The following AGBL3 variants were observed in gnomAD, a reference collection of about 807,000 sequenced individuals.
The protein encoded by AGBL3 is AGBL carboxypeptidase 3, also known as cytosolic carboxypeptidase 3.
AGBL3 carries 68 observed loss-of-function variants against 94.5 expected under a neutral mutation model. The observed-to-expected ratio is 0.72, with a 90% CI of 0.59 to 0.88. The LOEUF is 0.88. Among genes scored for constraint, AGBL3 ranks in the 40% least tolerant of loss-of-function variants. The pLI, the probability that AGBL3 is intolerant of heterozygous loss-of-function variation, is 0.00. For missense variants in AGBL3, 934 were observed against 1,103.8 expected, an observed-to-expected ratio of 0.85 and a Z score of 2.18; for synonymous variants, 354 against 370.7, an observed-to-expected ratio of 0.95 and a Z score of 0.52.
intron 11 of AGBL3, among the ~76,000 whole-genome samples, chr7:135,046,565 C>T (rs1304432976): frequency 6.6e-6 from 1 of 152,108 alleles, no homozygotes; most frequent in Non-Finnish European, 1.5e-5. Flanking sequence ...TAGGTAGAAT[C>T]ACACAGTATG....
rs1283985989 is a variant in AGBL3, at chr7:134,987,926, T to C, written c.-8T>C. The stretch of plus-strand genomic sequence containing the variant: ...TTACAAGAAATCTCAAGTCAAACAC[T>C]GGAAAAGATGTCAGAAGATTCAGAA... On this transcript the variant is annotated 5_prime_UTR_variant, in exon 2 of 17. Coordinates refer to ENST00000436302, the MANE Select transcript of AGBL3 (RefSeq NM_178563.4). The C allele has an allele frequency of 1.3e-6, 2 of 1,546,146 alleles. No homozygotes were observed. Among genetic ancestry groups the C allele is most frequent in the Non-Finnish European group, 1.7e-6 (2 of 1,144,552 alleles).
In AGBL3 at chr7:135,079,954, T is replaced by G. The variant is rs1820783570; in HGVS notation, c.1981-249T>G. On this transcript the variant is annotated intron_variant, in intron 13 of 16. Transcript: ENST00000436302. ...TACATTCTATGTGATGTGGAAAATTTTTAAGCCCCCTTTACTGCCAAAATA... is the reference window on the plus strand; with the variant it reads ...TACATTCTATGTGATGTGGAAAATTGTTAAGCCCCCTTTACTGCCAAAATA... Among the ~76,000 whole-genome samples, 5 of 152,282 alleles carry G rather than the reference T, an allele frequency of 3.3e-5. No individual in the cohort carries two copies. The South Asian group carries it at 1.0e-3, about 32-fold the overall frequency.
At chr7:135,061,569 A>C (rs1818843046) in intron 12 of AGBL3, among the ~76,000 whole-genome samples, 1 of 152,060 alleles carries the variant, frequency 6.6e-6, no homozygotes, top group Admixed American at 6.6e-5. Flanking sequence ...TTTTGTACAT[A>C]GTGTGAGATG....
chr7:134,991,272 A>G (rs1021474920), intron 3 of AGBL3, among the ~76,000 whole-genome samples: 4 of 151,708 alleles, frequency 2.6e-5, no homozygotes, highest in Non-Finnish European at 5.9e-5. Context: ...TGCATAGCTC[A>G]GGGATTAGGA....
intron 12 of AGBL3, among the ~76,000 whole-genome samples, chr7:135,064,054 T>G (rs750149678): frequency 6.6e-6 from 1 of 152,202 alleles, no homozygotes; most frequent in South Asian, 2.1e-4. Context: ...AGACAAACCA[T>G]GCAAATCTAT....
chr7:134,986,711 A>T lies in AGBL3; in HGVS notation c.-60+10A>T, dbSNP rs1043621603. On this transcript the variant is annotated intron_variant, in intron 1 of 16. Coordinates refer to ENST00000436302, the MANE Select transcript of AGBL3 (RefSeq NM_178563.4). ...CCGACAGGACGGTGAGGTATGCAGA[A>T]GTAAGGCGGGGCGCCCCCTGCGGGA... 1 of 152,444 alleles carries T rather than the reference A, an allele frequency of 6.6e-6. No individual in the cohort carries two copies. The highest frequency in any genetic ancestry group is 2.4e-5 in the African/African-American group (1 of 41,482). The allele number at this position is 152,444 out of a possible 1,614,324, so 9.4% of individuals were successfully genotyped here.
chr7:135,109,928 A>C (rs1008702178), intron 15 of AGBL3, among the ~76,000 whole-genome samples: 4 of 152,210 alleles, frequency 2.6e-5, no homozygotes, highest in African/African-American at 7.2e-5. Flanking sequence ...TGCCAGCTGG[A>C]AAACACCAGT....
intron 12 of AGBL3, among the ~76,000 whole-genome samples, chr7:135,060,035 C>T (rs998892244): frequency 1.3e-5 from 2 of 152,150 alleles, no homozygotes; most frequent in African/African-American, 4.8e-5. Context: ...TTCTCATTTG[C>T]TTGGGCTAGA....
intron 4 of AGBL3, among the ~76,000 whole-genome samples, chr7:135,012,985 A>C (rs1813345319): frequency 6.6e-6 from 1 of 152,166 alleles, no homozygotes; most frequent in African/African-American, 2.4e-5. Flanking sequence ...GAGACAGTTA[A>C]AAATGAAAAG....
In AGBL3 at chr7:135,026,244, A is replaced by ATTATTTTATTTTATTTTTTTATTTATT. The variant is rs147501962; in HGVS notation, c.419-6583_419-6582insTTTATTTATTTTATTTTATTTTATTTT. ...TGCAATAAAAATAGAAATGAATACC[A>ATTATTTTATTTTATTTTTTTATTTATT]TTATTTTATTTTATTTTATTTTATT... is the stretch of plus-strand genomic sequence containing the variant. On this transcript the variant is annotated intron_variant, in intron 5 of 16. Transcript: ENST00000436302. 7.1e-3 allele frequency among the ~76,000 whole-genome samples: 582 copies of ATTATTTTATTTTATTTTTTTATTTATT among 81,472 alleles called. 19 individuals are homozygous for ATTATTTTATTTTATTTTTTTATTTATT. The highest frequency in any genetic ancestry group is 0.021 in the African/African-American group (551 of 25,746). 53.4% of individuals were successfully genotyped at this position (81,472 alleles called of 152,430 possible).
intron 15 of AGBL3, among the ~76,000 whole-genome samples, chr7:135,095,612 A>G (rs758506260): frequency 3.9e-5 from 6 of 152,208 alleles, no homozygotes; most frequent in Non-Finnish European, 7.3e-5. Flanking sequence ...TACAAAAGCC[A>G]TATGTTATCT....
intron 8 of AGBL3, among the ~76,000 whole-genome samples, chr7:135,042,806 G>A (rs770044044): frequency 1.3e-5 from 2 of 152,128 alleles, no homozygotes; most frequent in African/African-American, 4.8e-5. Context: ...AGCTATTTGG[G>A]AGACTGAGGT....
Position 134,993,545 on chromosome 7 carries a change from A to G in AGBL3, c.177A>G (p.Glu59=). The change falls in exon 4 of 17, where the codon GAA becomes GAG. Residue 59 remains glutamate (E), a synonymous_variant. Transcript: ENST00000436302. ...CCCGGACTACACAGATACTATTAGAATATCAGCTAGGGAGATGGGTGCCAC... is the reference window on the plus strand; with the variant it reads ...CCCGGACTACACAGATACTATTAGAGTATCAGCTAGGGAGATGGGTGCCAC... ...FFPRTTQILL[E]YQLGRWVPRL... 2 of 1,551,708 alleles carry G rather than the reference A, an allele frequency of 1.3e-6. No individual in the cohort carries two copies. Among genetic ancestry groups the G allele is most frequent in the Non-Finnish European group, 1.7e-6 (2 of 1,146,960 alleles).
At chr7:135,088,711 C>T (rs1403688946) in intron 15 of AGBL3, among the ~76,000 whole-genome samples, 1 of 152,102 alleles carries the variant, frequency 6.6e-6, no homozygotes, top group Non-Finnish European at 1.5e-5. Context: ...TCTCTTCTAG[C>T]CTGTAAAGTT....
intron 4 of AGBL3, among the ~76,000 whole-genome samples, chr7:134,997,036 G>A (rs1811095747): frequency 6.6e-6 from 1 of 152,066 alleles, no homozygotes; most frequent in Admixed American, 6.5e-5. Context: ...CAAACTTTTC[G>A]GCACCAGGGA....
At chr7:135,013,506 G>T (rs1219258865) in intron 4 of AGBL3, among the ~76,000 whole-genome samples, 6 of 152,142 alleles carry the variant, frequency 3.9e-5, no homozygotes, top group African/African-American at 1.4e-4. Context: ...AAAGATCTAT[G>T]TATATTAAAC....
At chr7:135,042,759 A>G (rs1011579593) in intron 8 of AGBL3, among the ~76,000 whole-genome samples, 2 of 152,138 alleles carry the variant, frequency 1.3e-5, no homozygotes, top group African/African-American at 2.4e-5. Flanking sequence ...AAAAAATACA[A>G]AAATAGCTAC....
At chr7:135,018,139 T>C (rs554851917) in intron 5 of AGBL3, among the ~76,000 whole-genome samples, 10 of 152,314 alleles carry the variant, frequency 6.6e-5, no homozygotes, top group African/African-American at 2.4e-4. Flanking sequence ...TGAAGCAACA[T>C]AGGACTATCA....
Position 135,076,433 on chromosome 7 carries a change from A to C in AGBL3, c.1945A>C (p.Thr649Pro). 1 of 1,549,360 alleles carries C rather than the reference A, an allele frequency of 6.5e-7. No homozygotes were observed. The highest frequency in any genetic ancestry group is 8.7e-7 in the Non-Finnish European group (1 of 1,145,174). Residue 649 changes from threonine to proline, a missense_variant, in exon 13 of 17, where the codon ACC (threonine) becomes CCC (proline). Coordinates refer to ENST00000436302, the MANE Select transcript of AGBL3 (RefSeq NM_178563.4). ...HLKTKKERNS[T>P]IASHQNARGQ... is the part of the protein sequence containing the mutation. ...GAAAACAAAGAAGGAAAGGAATTCT[A>C]CCATAGCAAGCCACCAAAATGCCAG... is the stretch of plus-strand genomic sequence containing the variant.
Sources: gnomAD v4.1 joint callset for allele counts (sites outside exome capture counted in the v4.1 genomes callset) on GRCh38, gnomAD v4.1.1 for gene constraint, MANE v1.5 for transcripts, NCBI Gene and HGNC (gene_info 2026-07-23, HGNC 2026-07-21) for gene names.